NREP: variants seen among roughly 807,000 people sequenced by gnomAD.
NREP encodes the protein neuronal regeneration-related protein.
NREP carries 5 observed loss-of-function variants against 8.6 expected under a neutral mutation model. The ratio of observed to expected loss-of-function variants is 0.58; its 90% confidence interval spans 0.30 to 1.22. The LOEUF is 1.22. NREP is among the 50% of genes most tolerant of loss of function. NREP has a pLI of 0.07. For synonymous variants in NREP, 27 were observed against 28.0 expected, an observed-to-expected ratio of 0.96 and a Z score of 0.11; for missense variants, 86 against 82.5, an observed-to-expected ratio of 1.04 and a Z score of -0.17.
intron 2 of NREP, among the ~76,000 whole-genome samples, chr5:111,879,144 C>T (rs192437722): frequency 1.3e-4 from 20 of 152,302 alleles, no homozygotes; most frequent in Non-Finnish European, 1.9e-4. Flanking sequence ...CCCACCCCAC[C>T]TCTTGCTCCC....
chr5:111,898,608 G>C (rs1223942288), intron 2 of NREP, among the ~76,000 whole-genome samples: 2 of 152,132 alleles, frequency 1.3e-5, no homozygotes, highest in Admixed American at 6.6e-5. Flanking sequence ...AAACTTTTGA[G>C]AGTGGAACAT....
intron 2 of NREP, among the ~76,000 whole-genome samples, chr5:111,782,562 T>G (rs1459843877): frequency 1.3e-5 from 2 of 152,182 alleles, no homozygotes; most frequent in African/African-American, 4.8e-5. Flanking sequence ...TTGACTCTTC[T>G]GTGAAATAGA....
At chr5:111,887,680 C>T (rs1754295040) in intron 2 of NREP, among the ~76,000 whole-genome samples, 1 of 152,192 alleles carries the variant, frequency 6.6e-6, no homozygotes, top group Non-Finnish European at 1.5e-5. Context: ...CTATTTTTCA[C>T]TGAGACTGTT....
At chr5:111,749,424 T>C (rs565501180) in intron 2 of NREP, among the ~76,000 whole-genome samples, 1 of 151,448 alleles carries the variant, frequency 6.6e-6, no homozygotes, top group African/African-American at 2.4e-5. Flanking sequence ...TATAAGAGAT[T>C]GCAGGAAAAA....
intron 2 of NREP, among the ~76,000 whole-genome samples, chr5:111,881,696 C>T (rs920192972): frequency 1.1e-4 from 17 of 152,162 alleles, no homozygotes; most frequent in African/African-American, 4.1e-4. Flanking sequence ...TCTGCAGCCA[C>T]CTCTGCAGAT....
intron 2 of NREP, among the ~76,000 whole-genome samples, chr5:111,936,079 T>A (rs1327217390): frequency 6.6e-6 from 1 of 152,094 alleles, no homozygotes; most frequent in Admixed American, 6.5e-5. Context: ...CATGGTGTTC[T>A]CCCCTGTGTC....
intron 2 of NREP, among the ~76,000 whole-genome samples, chr5:111,748,825 G>A (rs1323515516): frequency 6.6e-6 from 1 of 152,126 alleles, no homozygotes; most frequent in African/African-American, 2.4e-5. Context: ...TTACTAAGTG[G>A]TCAATATTCT....
intron 2 of NREP, among the ~76,000 whole-genome samples, chr5:111,824,596 A>C (rs1277419004): frequency 6.6e-6 from 1 of 152,090 alleles, no homozygotes; most frequent in Non-Finnish European, 1.5e-5. Flanking sequence ...AAATATGTTG[A>C]TGGAAGGGCA....
intron 2 of NREP, among the ~76,000 whole-genome samples, chr5:111,821,598 G>A (rs1245731606): frequency 6.6e-6 from 1 of 152,140 alleles, no homozygotes; most frequent in East Asian, 1.9e-4. Flanking sequence ...CCAAAAAAAT[G>A]CAGACAGTTT....
chr5:111,861,451 C>T (rs983599083), intron 2 of NREP, among the ~76,000 whole-genome samples: 1 of 152,144 alleles, frequency 6.6e-6, no homozygotes, highest in African/African-American at 2.4e-5. Context: ...GGAAAGTCTT[C>T]CTTGATCTCC....
intron 2 of NREP, among the ~76,000 whole-genome samples, chr5:111,737,094 C>G (rs148104012): frequency 6.6e-6 from 1 of 152,166 alleles, no homozygotes; most frequent in Non-Finnish European, 1.5e-5. Context: ...GTTCCCCTCA[C>G]CCCAACCACC....
At chr5:111,739,942 CT>C (rs1037576592) in intron 2 of NREP, among the ~76,000 whole-genome samples, 31 of 151,852 alleles carry the variant, frequency 2.0e-4, no homozygotes, top group African/African-American at 7.5e-4. Flanking sequence ...GAATACTATT[CT>C]TCCAGAAGTC....
chr5:111,930,649 T>C (rs924841641), intron 2 of NREP, among the ~76,000 whole-genome samples: 1 of 152,144 alleles, frequency 6.6e-6, no homozygotes, highest in Admixed American at 6.5e-5. Flanking sequence ...TAGCTGTTAA[T>C]TGCAAGCCCA....
intron 2 of NREP, among the ~76,000 whole-genome samples, chr5:111,812,616 T>C (rs1752295765): frequency 6.6e-6 from 1 of 152,176 alleles, no homozygotes; most frequent in Non-Finnish European, 1.5e-5. Flanking sequence ...AAATCTTTGC[T>C]TTTTGCCTCT....
intron 2 of NREP, among the ~76,000 whole-genome samples, chr5:111,956,312 A>G (rs1405993951): frequency 6.6e-6 from 1 of 152,144 alleles, no homozygotes; most frequent in African/African-American, 2.4e-5. Context: ...ACAAAACAAT[A>G]AGGGGATTTT....
intron 2 of NREP, among the ~76,000 whole-genome samples, chr5:111,824,237 T>C (rs907451187): frequency 6.6e-6 from 1 of 151,986 alleles, no homozygotes; most frequent in African/African-American, 2.4e-5. Context: ...GGCGTAGTGG[T>C]GGGCACCTGT....
chr5:111,831,510 A>T (rs1752767257), intron 2 of NREP, among the ~76,000 whole-genome samples: 1 of 152,134 alleles, frequency 6.6e-6, no homozygotes, highest in African/African-American at 2.4e-5. Context: ...CTCATCATCC[A>T]CAGGCATCCT....
chr5:111,863,823 C>T (rs947373049), intron 2 of NREP, among the ~76,000 whole-genome samples: 11 of 152,068 alleles, frequency 7.2e-5, no homozygotes, highest in African/African-American at 2.2e-4. Context: ...TGGCTAGAAA[C>T]TCAATGGGGA....
chr5:111,899,595 G>A (rs1464015946), intron 2 of NREP, among the ~76,000 whole-genome samples: 2 of 152,130 alleles, frequency 1.3e-5, no homozygotes, highest in African/African-American at 2.4e-5. Context: ...GTCCTCATCT[G>A]TCAATAACAA....
Sources: allele counts gnomAD v4.1 joint callset (sites outside exome capture counted in the v4.1 genomes callset), GRCh38; gene constraint gnomAD v4.1.1; transcripts MANE v1.5; gene names NCBI Gene and HGNC (gene_info 2026-07-23, HGNC 2026-07-21).